ME1: variants seen among roughly 807,000 people sequenced by gnomAD.
ME1 encodes the protein malic enzyme 1, also known as NADP-dependent malic enzyme.
ME1 carries 74 observed loss-of-function variants against 66.4 expected under a neutral mutation model. The observed-to-expected ratio is 1.11, with a 90% CI of 0.92 to 1.35. The LOEUF (loss-of-function observed/expected upper bound fraction) is 1.35. Among genes scored for constraint, ME1 ranks in the 40% most tolerant of loss-of-function variants. The probability of loss-of-function intolerance (pLI) is 0.00; values close to 1 mark genes in which losing one functional copy is unlikely to be tolerated. For synonymous variants in ME1, 251 were observed against 235.6 expected, an observed-to-expected ratio of 1.07 and a Z score of -0.60; for missense variants, 750 against 694.1, an observed-to-expected ratio of 1.08 and a Z score of -0.90.
intron 5 of ME1, among the ~76,000 whole-genome samples, chr6:83,324,819 C>A (rs1027837037): frequency 6.8e-6 from 1 of 147,150 alleles, no homozygotes; most frequent in Non-Finnish European, 1.5e-5. Flanking sequence ...CCTTCTGAAA[C>A]TATTCCAAAC....
intron 3 of ME1, among the ~76,000 whole-genome samples, chr6:83,395,569 A>G (rs1276102425): frequency 6.7e-6 from 1 of 149,542 alleles, no homozygotes; most frequent in Non-Finnish European, 1.5e-5. Flanking sequence ...TCCACTTCCC[A>G]GATTCAAGCG....
chr6:83,400,217 C>G (rs776119717), intron 2 of ME1, among the ~76,000 whole-genome samples: 2 of 152,090 alleles, frequency 1.3e-5, no homozygotes, highest in African/African-American at 4.8e-5. Context: ...GTATTTGGAT[C>G]ATGGGGGTGG....
intron 3 of ME1, 108 bp downstream of exon 3, chr6:83,398,259 C>A (rs977258514): frequency 9.2e-6 from 7 of 758,950 alleles, no homozygotes; most frequent in Non-Finnish European, 6.1e-6. Context: ...TAAATATATG[C>A]AATTTTATTG....
chr6:83,283,734 T>C (rs1434938052), intron 6 of ME1, among the ~76,000 whole-genome samples: 1 of 152,124 alleles, frequency 6.6e-6, no homozygotes. Flanking sequence ...AAAAATAGAT[T>C]TGAGGGAATA....
At chr6:83,347,383 T>C (rs1365675726) in intron 4 of ME1, among the ~76,000 whole-genome samples, 3 of 152,198 alleles carry the variant, frequency 2.0e-5, no homozygotes, top group Non-Finnish European at 4.4e-5. Flanking sequence ...TATATGAATT[T>C]AAACAAAACC....
At chr6:83,232,345 T>C (rs985391865) in intron 9 of ME1, among the ~76,000 whole-genome samples, 1 of 151,918 alleles carries the variant, frequency 6.6e-6, no homozygotes, top group African/African-American at 2.4e-5. Flanking sequence ...GCTAAAAGAG[T>C]CCAGAGCTGT....
chr6:83,288,300 A>G (rs1767435807), intron 6 of ME1, among the ~76,000 whole-genome samples: 1 of 152,056 alleles, frequency 6.6e-6, no homozygotes. Flanking sequence ...CTTACATTTA[A>G]GTCTTTGATC....
intron 3 of ME1, among the ~76,000 whole-genome samples, chr6:83,370,958 G>A (rs1344572609): frequency 7.9e-5 from 12 of 151,906 alleles, no homozygotes; most frequent in African/African-American, 2.4e-4. Context: ...AAGAGGATAC[G>A]GTAGAATTCA....
intron 3 of ME1, among the ~76,000 whole-genome samples, chr6:83,367,816 C>T (rs755587475): frequency 2.6e-5 from 4 of 152,136 alleles, no homozygotes; most frequent in Non-Finnish European, 5.9e-5. Flanking sequence ...ACTTTCTTAT[C>T]GTTGGTATGT....
intron 6 of ME1, among the ~76,000 whole-genome samples, chr6:83,292,569 C>T (rs1254868391): frequency 2.0e-5 from 3 of 152,228 alleles, no homozygotes; most frequent in Non-Finnish European, 4.4e-5. Context: ...AGTCAGGCTA[C>T]ACAGGGGTCA....
rs145766446 is a variant in ME1, at chr6:83,269,939, C to T, written c.705-16201G>A. 1.5e-4 allele frequency among the ~76,000 whole-genome samples: 23 copies of T among 152,230 alleles called. No homozygotes were observed. In the East Asian group the frequency reaches 4.2e-3, roughly 28 times the overall value. On this transcript the variant is annotated intron_variant, in intron 6 of 13. Transcript: ENST00000369705. Reference sequence around the variant, plus strand: ...TGTCTCATTCCAAAATTCTGTATTACTCCATAGCAAGAAAAATAACCTCTG... The same window carrying T: ...TGTCTCATTCCAAAATTCTGTATTATTCCATAGCAAGAAAAATAACCTCTG...
chr6:83,371,350 G>C (rs3757011), intron 3 of ME1, among the ~76,000 whole-genome samples: 48,662 of 151,916 alleles, frequency 0.32, 8,164 homozygotes, highest in Middle Eastern at 0.5. Flanking sequence ...GCAGATTAGT[G>C]TATCTAAACC....
intron 3 of ME1, among the ~76,000 whole-genome samples, chr6:83,369,969 G>A (rs371212485): frequency 1.1e-3 from 166 of 152,188 alleles, no homozygotes; most frequent in African/African-American, 3.9e-3. Flanking sequence ...CTTTAGGAAA[G>A]GTTTTAAAAG....
chr6:83,367,967 G>C (rs904368570), intron 3 of ME1, among the ~76,000 whole-genome samples: 1 of 152,102 alleles, frequency 6.6e-6, no homozygotes, highest in African/African-American at 2.4e-5. Flanking sequence ...GTTTTAAACT[G>C]AGAGATGTGT....
At chr6:83,234,243 G>A (rs541619656) in intron 9 of ME1, among the ~76,000 whole-genome samples, 8 of 152,122 alleles carry the variant, frequency 5.3e-5, no homozygotes, top group African/African-American at 1.9e-4. Flanking sequence ...CCACTTTTTG[G>A]ACTTTTGAAT....
intron 3 of ME1, among the ~76,000 whole-genome samples, chr6:83,394,134 A>T (rs1376791991): frequency 6.6e-6 from 1 of 152,024 alleles, no homozygotes; most frequent in Non-Finnish European, 1.5e-5. Context: ...TTTGCAATAC[A>T]ATTAACAGTA....
At chr6:83,317,437 G>A (rs545556101) in intron 5 of ME1, among the ~76,000 whole-genome samples, 119 of 151,664 alleles carry the variant, frequency 7.8e-4, no homozygotes, top group African/African-American at 2.8e-3. Flanking sequence ...TTGTGAATGG[G>A]AGTTCACTCA....
At chr6:83,397,824 G>A (rs1270859671) in intron 3 of ME1, among the ~76,000 whole-genome samples, 1 of 152,152 alleles carries the variant, frequency 6.6e-6, no homozygotes, top group Non-Finnish European at 1.5e-5. Context: ...TCTGTCATTT[G>A]CAACAATACA....
At chr6:83,374,759 A>G (rs1404625921) in intron 3 of ME1, among the ~76,000 whole-genome samples, 1 of 152,090 alleles carries the variant, frequency 6.6e-6, no homozygotes, top group Non-Finnish European at 1.5e-5. Flanking sequence ...AGCCATCTTG[A>G]GATAATTTTT....
Sources: allele counts gnomAD v4.1 joint callset (sites outside exome capture counted in the v4.1 genomes callset), GRCh38; gene constraint gnomAD v4.1.1; transcripts MANE v1.5; gene names NCBI Gene and HGNC (gene_info 2026-07-23, HGNC 2026-07-21).